The following HOOK3 variants were observed in gnomAD, a reference collection of about 807,000 sequenced individuals.
HOOK3 encodes protein Hook homolog 3.
In HOOK3, 24 loss-of-function variants were observed where a neutral mutation model predicts 116.3. The ratio of observed to expected loss-of-function variants is 0.21; its 90% CI spans 0.15 to 0.29. The LOEUF is 0.29. Ranked by LOEUF, HOOK3 falls within the 10% of genes least tolerant of loss-of-function variation. The probability of loss-of-function intolerance (pLI) is 1.00; values close to 1 mark genes in which losing one functional copy is unlikely to be tolerated. For synonymous variants in HOOK3, 275 were observed against 283.0 expected (o/e 0.97, Z 0.28); for missense variants, 632 against 830.2 (o/e 0.76, Z 2.93).
intron 2 of HOOK3, among the ~76,000 whole-genome samples, chr8:42,924,027 G>C (rs879441759): frequency 2.0e-5 from 3 of 151,988 alleles, no homozygotes; most frequent in Admixed American, 6.6e-5. Context: ...AAGCTAATTT[G>C]AGTAAAATTT....
intron 13 of HOOK3, among the ~76,000 whole-genome samples, chr8:42,981,766 C>G (rs1019436557): frequency 6.6e-6 from 1 of 150,546 alleles, no homozygotes; most frequent in African/African-American, 2.4e-5. Flanking sequence ...CACCTGTAAT[C>G]CCAGCTACTC....
intron 4 of HOOK3, among the ~76,000 whole-genome samples, chr8:42,937,047 A>G (rs1397134434): frequency 9.9e-5 from 15 of 151,944 alleles, no homozygotes; most frequent in Non-Finnish European, 5.9e-5. Flanking sequence ...GTAAGGTATT[A>G]CTGCCTTAAT....
chr8:43,008,663 A>ATTTTTTTT (rs546007965), intron 18 of HOOK3, among the ~76,000 whole-genome samples: 1 of 131,460 alleles, frequency 7.6e-6, no homozygotes, highest in Non-Finnish European at 1.6e-5. Flanking sequence ...TTTTATTTTT[A>ATTTTTTTT]TTTTTTTTTT....
intron 5 of HOOK3, 45 bp from the exon 6 acceptor site, chr8:42,950,343 A>G (rs761417483): frequency 7.8e-7 from 1 of 1,274,828 alleles, no homozygotes; most frequent in Non-Finnish European, 1.1e-6. Flanking sequence ...TCCCTTGACC[A>G]TCTTTAACTT....
chr8:43,005,546 G>C (rs1809468661), intron 17 of HOOK3, among the ~76,000 whole-genome samples: 1 of 151,198 alleles, frequency 6.6e-6, no homozygotes, highest in Non-Finnish European at 1.5e-5. Flanking sequence ...TTTAGGAATA[G>C]CACAAAGACA....
intron 13 of HOOK3, among the ~76,000 whole-genome samples, chr8:42,980,586 G>C (rs1808920085): frequency 6.6e-6 from 1 of 151,958 alleles, no homozygotes; most frequent in South Asian, 2.1e-4. Flanking sequence ...AGTGGGACTG[G>C]TGGCTTTATA....
intron 16 of HOOK3, chr8:42,997,862 T>C: frequency 2.4e-6 from 1 of 421,752 alleles, no homozygotes; most frequent in Non-Finnish European, 4.4e-6. Context: ...CATTTCTAGT[T>C]ACCAACTGAA....
chr8:42,904,885 A>G (rs868553392), intron 1 of HOOK3, among the ~76,000 whole-genome samples: 14 of 152,114 alleles, frequency 9.2e-5, no homozygotes, highest in African/African-American at 2.9e-4. Context: ...TGACACTTCT[A>G]TTATACTGTT....
At chr8:42,944,232 T>C (rs1490818976) in intron 5 of HOOK3, among the ~76,000 whole-genome samples, 1 of 150,792 alleles carries the variant, frequency 6.6e-6, no homozygotes, top group East Asian at 2.0e-4. Context: ...TTGACCAATA[T>C]GGTGAAACCC....
rs1354559291 is a variant in HOOK3 at position 42,982,269 on chromosome 8, AAG to A, written c.1322-356_1322-355del. Among the ~76,000 whole-genome samples, 116 of 141,380 alleles carry A rather than the reference AAG, an allele frequency of 8.2e-4. 3 individuals are homozygous for A. In the South Asian group the frequency reaches 9.3e-3, roughly 11 times the overall value. 92.8% of individuals were successfully genotyped at this position (141,380 alleles called of 152,430 possible). Reference sequence around the variant, plus strand: ...GACTCTGTCTTAAAAAAAAAAAAAAAAGAAAAAAAAAAAGAAAAAAGGTAGAA... The same window carrying A: ...GACTCTGTCTTAAAAAAAAAAAAAAAAAAAAAAAAAAGAAAAAAGGTAGAA... On this transcript the variant is annotated intron_variant, in intron 13 of 21. Transcript: ENST00000307602.
At chr8:42,915,132 C>T (rs558928000) in intron 2 of HOOK3, among the ~76,000 whole-genome samples, 142 of 152,270 alleles carry the variant, frequency 9.3e-4, no homozygotes, top group African/African-American at 3.4e-3. Flanking sequence ...GGACTTTGCT[C>T]CCTTCTAAAT....
intron 13 of HOOK3, among the ~76,000 whole-genome samples, chr8:42,981,992 G>A (rs1347694691): frequency 2.6e-5 from 4 of 151,438 alleles, no homozygotes; most frequent in South Asian, 2.1e-4. Flanking sequence ...AGTGGCTCAC[G>A]CCTGTAATCC....
intron 2 of HOOK3, among the ~76,000 whole-genome samples, chr8:42,908,187 A>G (rs1306030763): frequency 1.3e-5 from 2 of 152,254 alleles, no homozygotes; most frequent in Admixed American, 1.3e-4. Context: ...AATAAAGGAA[A>G]GATACTCTGT....
At chr8:42,979,960 C>A (rs1586619500) in intron 13 of HOOK3, among the ~76,000 whole-genome samples, 1 of 148,414 alleles carries the variant, frequency 6.7e-6, no homozygotes, top group Non-Finnish European at 1.5e-5. Flanking sequence ...TTTTCTTTTT[C>A]TTTTCTTTTT....
intron 5 of HOOK3, among the ~76,000 whole-genome samples, chr8:42,949,716 G>T (rs1203911848): frequency 1.3e-5 from 2 of 152,084 alleles, no homozygotes; most frequent in African/African-American, 4.8e-5. Context: ...TCAAGAGATT[G>T]AGACCATCCT....
At chr8:42,899,770 A>G (rs907256098) in intron 1 of HOOK3, among the ~76,000 whole-genome samples, 6 of 152,210 alleles carry the variant, frequency 3.9e-5, no homozygotes, top group East Asian at 1.9e-4. Flanking sequence ...AATGCAGACA[A>G]CTGTCAGTGA....
chr8:43,011,264 A>G (rs2130488100), intron 19 of HOOK3, among the ~76,000 whole-genome samples: 1 of 152,244 alleles, frequency 6.6e-6, no homozygotes, highest in African/African-American at 2.4e-5. Flanking sequence ...AAGTGCTGGG[A>G]TTACAGGTGT....
chr8:43,010,412 A>C lies in HOOK3; in HGVS notation c.1839+7A>C, dbSNP rs368138416. 4.7e-6 allele frequency: 6 copies of C among 1,269,148 alleles called. No homozygotes were observed. In the African/African-American group the frequency reaches 7.7e-5, roughly 16 times the overall value. 78.6% of individuals were successfully genotyped at this position (1,269,148 alleles called of 1,614,324 possible). A position where few individuals can be genotyped will look rare whatever the true frequency, so the allele number is the denominator to read the frequency against. ...CTTAGAGAAAGCCAAAAGTGTAAGT[A>C]TGAATTTTGTAGGCATCTCACTCTA... On this transcript the variant is annotated splice_region_variant and intron_variant, in intron 19 of 21. Transcript: ENST00000307602.
intron 11 of HOOK3, among the ~76,000 whole-genome samples, chr8:42,971,781 A>G (rs554205319): frequency 1.7e-3 from 251 of 152,070 alleles, no homozygotes; most frequent in African/African-American, 5.8e-3. Flanking sequence ...CCCGGGTTCA[A>G]GCAATTCTCC....
Sources: gnomAD v4.1 joint callset for allele counts (sites outside exome capture counted in the v4.1 genomes callset) on GRCh38, gnomAD v4.1.1 for gene constraint, MANE v1.5 for transcripts, NCBI Gene and HGNC (gene_info 2026-07-23, HGNC 2026-07-21) for gene names.